Variants in KMT2B observed in about 807,000 individuals in gnomAD.
KMT2B encodes lysine methyltransferase 2B.
In KMT2B, 22 loss-of-function variants were observed where a neutral mutation model predicts 255.3. The ratio of observed to expected loss-of-function variants is 0.09; its 90% CI spans 0.06 to 0.12. The LOEUF is 0.12. Among genes scored for constraint, KMT2B ranks in the 10% least tolerant of loss-of-function variants. KMT2B has a pLI of 1.00. For synonymous variants in KMT2B, 1,730 were observed against 1,498.1 expected (o/e 1.15, Z -3.57); for missense variants, 3,149 against 3,737.0 (o/e 0.84, Z 4.10).
chr19:35,733,653 G>T lies in KMT2B; in HGVS notation c.7016G>T (p.Arg2339Leu). The stretch of plus-strand genomic sequence containing the variant: ...GTGCGTGGGGTCCTTGACCTGGATC[G>T]GCCTGGGGAGCCCGCTGGGGAAGAA... The part of the protein sequence containing the change: ...PTVRGVLDLD[R>L]PGEPAGEESP... Residue 2339 changes from arginine (R) to leucine (L), a missense_variant, in exon 29 of 37, where the codon CGG becomes CTG. Physicochemically the swap from Arg to Leu is moderately radical, Grantham distance 102. This residue lies in a region of KMT2B where 897 missense variants were observed against 825.3 expected (regional missense o/e 1.09). Transcript: ENST00000420124. This position sits in a 1 kb window ranked among gnomAD's most constrained non-coding sequence, Gnocchi z 4.3. 1 of 1,600,178 alleles carries T rather than the reference G, an allele frequency of 6.2e-7. No homozygotes were observed. The highest frequency in any genetic ancestry group is 8.5e-7 in the Non-Finnish European group (1 of 1,173,790).
rs773225857 is a variant in KMT2B at position 35,719,557 on chromosome 19, A to T, written c.436+16A>T. The stretch of plus-strand genomic sequence containing the variant: ...TCCCAGCGAGGTGAGTGACGGGGGA[A>T]CTCCACCTCTTTAGCGTCACAGGAA... On this transcript the variant is annotated intron_variant, in intron 2 of 36. Transcript: ENST00000420124. The T allele has an allele frequency of 2.1e-5, 33 of 1,578,420 alleles. No individual in the cohort carries two copies. The highest frequency in any genetic ancestry group is 5.5e-5 in the Admixed American group (3 of 54,954).
chr19:35,726,027 C>T (rs1350991561), intron 13 of KMT2B, among the ~76,000 whole-genome samples: 3 of 152,216 alleles, frequency 2.0e-5, no homozygotes, highest in Non-Finnish European at 4.4e-5. Context: ...ATGAATCTCA[C>T]ATTCCGTGGG....
rs1295010275 is a variant in KMT2B at position 35,727,492 on chromosome 19, G to A, written c.4172G>A (p.Gly1391Glu). ...GLPDSVLYTCGPCAGAAQPRW... is the reference protein window; with the variant it reads ...GLPDSVLYTCEPCAGAAQPRW... ...CCAGACTCGGTGCTGTACACCTGCG[G>A]ACCGTGTGCTGGGGCAGCGCAGCCC... is the stretch of plus-strand genomic sequence containing the variant. The change falls in exon 16 of 37, where the codon GGA (glycine) becomes GAA (glutamate). Residue 1391 changes from glycine to glutamate, a missense_variant. Coordinates refer to ENST00000420124, the MANE Select transcript of KMT2B (RefSeq NM_014727.3). This position sits in a 1 kb window ranked among gnomAD's most constrained non-coding sequence, Gnocchi z 4.2. 1 of 1,612,338 alleles carries A rather than the reference G, an allele frequency of 6.2e-7. No individual in the cohort carries two copies. Among genetic ancestry groups the A allele is most frequent in the Non-Finnish European group, 8.5e-7 (1 of 1,179,862 alleles).
At position 35,730,761 on chromosome 19, in the gene KMT2B, G is replaced by C. The variant is rs1969658750; in HGVS notation, c.5331G>C (p.Arg1777=). Residue 1777 remains arginine, a synonymous_variant, in exon 26 of 37, where the codon CGG becomes CGC. Transcript: ENST00000420124. ...TVDARRRCWY[R]CRILEYRPWG... ...ATGCTCGGAGGCGCTGCTGGTATCG[G>C]TGCCGAATTCTGGAGTATCGGCCAT... is the stretch of plus-strand genomic sequence containing the variant. 6.2e-7 allele frequency: 1 copy of C among 1,613,764 alleles called. No homozygotes were observed. Among genetic ancestry groups the C allele is most frequent in the Non-Finnish European group, 8.5e-7 (1 of 1,179,902 alleles).
Position 35,725,396 on chromosome 19 carries a change from T to C in KMT2B, c.3642+63T>C. 6.3e-7 allele frequency: 1 copy of C among 1,579,816 alleles called. No homozygotes were observed. Among genetic ancestry groups the C allele is most frequent in the Non-Finnish European group, 8.6e-7 (1 of 1,162,008 alleles). On this transcript the variant is annotated intron_variant, in intron 11 of 36. Transcript: ENST00000420124. The surrounding 1 kb of genome is among the most constrained non-coding windows in gnomAD (Gnocchi z 4.1). ...CTGTCGGTCCTCACGGCCTGATTCC[T>C]TGGGCCCTCTCAGCTGGGTCTCATC... is the stretch of plus-strand genomic sequence containing the variant.
Position 35,732,205 on chromosome 19 carries a change from C to A in KMT2B, c.5666-10C>A. On this transcript the variant is annotated splice_polypyrimidine_tract_variant and intron_variant, in intron 27 of 36. Transcript: ENST00000420124. ...GGGAGCTGCTGGTAACACCAACCCT[C>A]CCCCCACAGGAAGTCCATCTTCACT... is the stretch of plus-strand genomic sequence containing the variant. 6.3e-7 allele frequency: 1 copy of A among 1,576,738 alleles called. No individual in the cohort carries two copies. The highest frequency in any genetic ancestry group is 8.6e-7 in the Non-Finnish European group (1 of 1,156,358).
At position 35,718,013 on chromosome 19, in the gene KMT2B, G is replaced by T; in HGVS notation, c.-6G>T. The T allele has an allele frequency of 1.0e-6, 1 of 985,662 alleles. No individual in the cohort carries two copies. Among genetic ancestry groups the T allele is most frequent in the Non-Finnish European group, 1.2e-6 (1 of 831,024 alleles). 61.1% of individuals were successfully genotyped at this position (985,662 alleles called of 1,614,324 possible). On this transcript the variant is annotated 5_prime_UTR_variant, in exon 1 of 37. Coordinates refer to ENST00000420124, the MANE Select transcript of KMT2B (RefSeq NM_014727.3). The surrounding 1 kb of genome is among the most constrained non-coding windows in gnomAD (Gnocchi z 5.0). ...CCGCCTCCCCGGCCCCTCTCACGGT[G>T]CCAAGATGGCGGCGGCGGCGGGCGG...
chr19:35,719,422 T>A (rs774415328), intron 1 of KMT2B, 47 bp from the exon 2 acceptor site: 10 of 1,366,938 alleles, frequency 7.3e-6, no homozygotes, highest in Non-Finnish European at 9.2e-6. Context: ...ACGAGGGCTT[T>A]GGCACTGACT....
Position 35,720,196 on chromosome 19 carries a change from A to ACAGTCAAGCCGTGGAGGCCGTGGAGGC in KMT2B, c.850_876dup (p.Gln284_Gly292dup). 1.2e-6 allele frequency: 2 copies of ACAGTCAAGCCGTGGAGGCCGTGGAGGC among 1,608,286 alleles called. No homozygotes were observed. The highest frequency in any genetic ancestry group is 1.7e-6 in the Non-Finnish European group (2 of 1,177,660). ...GACCTGGGACCCCCAGGCGTGGAGG[A>ACAGTCAAGCCGTGGAGGCCGTGGAGGC]CAGTCAAGCCGTGGAGGCCGTGGAG... On this transcript the variant is annotated inframe_insertion, in exon 3 of 37. Coordinates refer to ENST00000420124, the MANE Select transcript of KMT2B (RefSeq NM_014727.3).
chr19:35,735,366 G>C (rs1969875883), intron 30 of KMT2B: 1 of 152,232 alleles, frequency 6.6e-6, no homozygotes, highest in African/African-American at 2.4e-5. Context: ...ACACCTGCTT[G>C]AGCAGCAGCA....
rs2014503514 is a variant in KMT2B at position 35,719,832 on chromosome 19, C to T, written c.485C>T (p.Pro162Leu). The stretch of plus-strand genomic sequence containing the variant: ...CGCAAGCATAAGACGACCCCCCTTC[C>T]TCCTCCTCGCCTAGCAGATGTGGCT... ...RGRKHKTTPL[P>L]PPRLADVAPT... is the part of the protein sequence containing the mutation. The change falls in exon 3 of 37, where the codon CCT becomes CTT. Residue 162 changes from proline (P) to leucine (L), a missense_variant. By Grantham distance (98) the Pro-to-Leu change is moderately conservative. Coordinates refer to ENST00000420124, the MANE Select transcript of KMT2B (RefSeq NM_014727.3). The T allele has an allele frequency of 1.2e-6, 2 of 1,610,490 alleles. No homozygotes were observed. The highest frequency in any genetic ancestry group is 1.3e-5 in the African/African-American group (1 of 74,740).
At position 35,733,230 on chromosome 19, in the gene KMT2B, G is replaced by A. The variant is rs1158394380; in HGVS notation, c.6681G>A (p.Thr2227=). 4.9e-5 allele frequency: 70 copies of A among 1,418,430 alleles called. No individual in the cohort carries two copies. The highest frequency in any genetic ancestry group is 6.3e-5 in the Non-Finnish European group (67 of 1,057,942). The allele number at this position is 1,418,430 out of a possible 1,614,324, so 87.9% of individuals were successfully genotyped here. A position where few individuals can be genotyped will look rare whatever the true frequency, so the allele number is the denominator to read the frequency against. ...QPPLPPTISP[T]APTSWTLPPG... ...CTTTGCCCCCCACCATTTCCCCCAC[G>A]GCTCCCACCTCCTGGACTCTGCCCC... The change falls in exon 28 of 37, where the codon ACG becomes ACA. Residue 2227 remains threonine (T), a synonymous_variant. Transcript: ENST00000420124. The surrounding 1 kb of genome is among the most constrained non-coding windows in gnomAD (Gnocchi z 4.3).
chr19:35,721,078 A>G lies in KMT2B; in HGVS notation c.1731A>G (p.Pro577=). ...CCTCCCCACCTGTTCCCCAGGAGCC[A>G]GCACCAGTCCCCTCTCCACCACGTG... The part of the protein sequence containing the change: ...ITTSPPVPQE[P]APVPSPPRAP... Residue 577 remains proline (P), a synonymous_variant, in exon 3 of 37, where the codon CCA becomes CCG. Transcript: ENST00000420124. The G allele has an allele frequency of 3.2e-6, 5 of 1,572,090 alleles. No homozygotes were observed. The highest frequency in any genetic ancestry group is 4.3e-6 in the Non-Finnish European group (5 of 1,162,644).
intron 8 of KMT2B, 97 bp from the exon 9 acceptor site, chr19:35,724,540 T>G: frequency 9.5e-7 from 1 of 1,054,190 alleles, no homozygotes; most frequent in East Asian, 2.6e-5. Flanking sequence ...TCTTGGTTAG[T>G]TAAAGAAGGC....
At position 35,722,934 on chromosome 19, in the gene KMT2B, A is replaced by C. The variant is rs535841417; in HGVS notation, c.2723-61A>C. On this transcript the variant is annotated intron_variant, in intron 5 of 36. Coordinates refer to ENST00000420124, the MANE Select transcript of KMT2B (RefSeq NM_014727.3). ...GAGCCAGGTTGTGGGAAAGCAGGGA[A>C]GTGAGGTAGAAGCCTGGTGGCTTTG... The C allele has an allele frequency of 1.1e-4, 160 of 1,469,792 alleles. 1 individual carries two copies. In the African/African-American group the frequency reaches 1.5e-3, roughly 14 times the overall value. 91.0% of individuals were successfully genotyped at this position (1,469,792 alleles called of 1,614,324 possible).
Position 35,732,797 on chromosome 19 carries a change from C to T in KMT2B, c.6248C>T (p.Thr2083Met), listed in dbSNP as rs768089106. The T allele has an allele frequency of 1.4e-5, 23 of 1,606,066 alleles. No homozygotes were observed. The highest frequency in any genetic ancestry group is 2.7e-5 in the African/African-American group (2 of 74,852). ...GTGCAGCAGCCTCGGGGCCAGGGCACGCCTCCTTCGGGGCCAGGAGTAGTC... is the reference window on the plus strand; with the variant it reads ...GTGCAGCAGCCTCGGGGCCAGGGCATGCCTCCTTCGGGGCCAGGAGTAGTC... ...EAVQQPRGQGTPPSGPGVVRA... is the reference protein window; with the variant it reads ...EAVQQPRGQGMPPSGPGVVRA... Residue 2083 changes from threonine (T) to methionine (M), a missense_variant, in exon 28 of 37, where the codon ACG becomes ATG. Physicochemically the swap from Thr to Met is moderately conservative, Grantham distance 81. Transcript: ENST00000420124.
rs770521242 is a variant in KMT2B at position 35,720,234 on chromosome 19, G to A, written c.887G>A (p.Gly296Asp). 6.2e-7 allele frequency: 1 copy of A among 1,611,752 alleles called. No individual in the cohort carries two copies. Among genetic ancestry groups the A allele is most frequent in the Non-Finnish European group, 8.5e-7 (1 of 1,179,242 alleles). ...SRGGRGGRGRGRGGGLPFVIK... is the reference protein window; with the variant it reads ...SRGGRGGRGRDRGGGLPFVIK... Reference sequence around the variant, plus strand: ...GGAGGCCGTGGAGGCAGGGGCCGCGGCCGAGGTGGTGGGCTCCCCTTTGTG... The same window carrying A: ...GGAGGCCGTGGAGGCAGGGGCCGCGACCGAGGTGGTGGGCTCCCCTTTGTG... The change falls in exon 3 of 37, where the codon GGC becomes GAC. Residue 296 changes from glycine (G) to aspartate (D), a missense_variant. Gly to Asp is a moderately conservative substitution (Grantham distance 94). Around this residue, in one of 18 missense-constraint regions of KMT2B, gnomAD observed 1,188 missense variants for 1,106.4 expected, o/e 1.07. Coordinates refer to ENST00000420124, the MANE Select transcript of KMT2B (RefSeq NM_014727.3).
rs772469744 is a variant in KMT2B at position 35,722,990 on chromosome 19, A to G, written c.2723-5A>G. 1.9e-6 allele frequency: 3 copies of G among 1,577,170 alleles called. No homozygotes were observed. Among genetic ancestry groups the G allele is most frequent in the Non-Finnish European group, 1.7e-6 (2 of 1,158,598 alleles). The stretch of plus-strand genomic sequence containing the variant: ...CCATCCCCTCCTCCCTGCCTGCTGC[A>G]ATAGATACATCATCGGCGTCCGAGA... On this transcript the variant is annotated splice_polypyrimidine_tract_variant and splice_region_variant and intron_variant, in intron 5 of 36. Coordinates refer to ENST00000420124, the MANE Select transcript of KMT2B (RefSeq NM_014727.3).
intron 3 of KMT2B, 83 bp downstream of exon 3, chr19:35,721,887 G>A: frequency 6.9e-7 from 1 of 1,443,866 alleles, no homozygotes; most frequent in Non-Finnish European, 9.1e-7. Context: ...CGCCTCCTTG[G>A]ACACTTTCCA....
Sources: allele counts gnomAD v4.1 joint callset (sites outside exome capture counted in the v4.1 genomes callset), GRCh38; gene constraint gnomAD v4.1.1; regional missense constraint gnomAD v4.1.1; non-coding constraint Gnocchi (gnomAD v3.1); transcripts MANE v1.5; gene names NCBI Gene and HGNC (gene_info 2026-07-23, HGNC 2026-07-21).